KIRREL3: variants seen among roughly 807,000 people sequenced by gnomAD.
KIRREL3 encodes kin of IRRE-like protein 3.
KIRREL3 carries 36 observed loss-of-function variants against 89.7 expected under a neutral mutation model. That is an observed-to-expected ratio of 0.40 (90% CI 0.31 to 0.53). The LOEUF is 0.53. KIRREL3 is among the 20% of genes least tolerant of loss of function. The pLI is 0.49. For synonymous variants in KIRREL3, 445 were observed against 441.4 expected (o/e 1.01, Z -0.10); for missense variants, 864 against 1,056.6 (o/e 0.82, Z 2.53).
At position 126,897,102 on chromosome 11, in the gene KIRREL3, A is replaced by C. The variant is rs978128902; in HGVS notation, c.55+103353T>G. 5.3e-5 allele frequency among the ~76,000 whole-genome samples: 8 copies of C among 152,018 alleles called. No individual in the cohort carries two copies. The highest frequency in any genetic ancestry group is 1.2e-4 in the Non-Finnish European group (8 of 67,992). On this transcript the variant is annotated intron_variant, in intron 1 of 16. Transcript: ENST00000525144. The surrounding 1 kb of genome is among the most constrained non-coding windows in gnomAD (Gnocchi z 4.2). Reference sequence around the variant, plus strand: ...TTATTAAAATACGAAAGATCATCTCACGAATACGGGCTACAAACAACTCCA... The same window carrying C: ...TTATTAAAATACGAAAGATCATCTCCCGAATACGGGCTACAAACAACTCCA...
chr11:126,452,040 C>T (rs1391757199), intron 7 of KIRREL3, among the ~76,000 whole-genome samples: 1 of 152,154 alleles, frequency 6.6e-6, no homozygotes, highest in Non-Finnish European at 1.5e-5. Flanking sequence ...GCCCTTCCCT[C>T]CATTAGCTTC....
rs1941129987 is a variant in KIRREL3 at position 126,574,211 on chromosome 11, G to C, written c.56-11299C>G. On this transcript the variant is annotated intron_variant, in intron 1 of 16. Transcript: ENST00000525144. This position sits in a 1 kb window ranked among gnomAD's most constrained non-coding sequence, Gnocchi z 5.3. ...CATTTATGGAGGACACTGAGGATGA[G>C]AGAGGTTCCACAACCTCCCTTGCTC... Among the ~76,000 whole-genome samples the C allele has an allele frequency of 6.6e-6, 1 of 152,174 alleles. No homozygotes were observed. The highest frequency in any genetic ancestry group is 1.5e-5 in the Non-Finnish European group (1 of 68,042).
Position 126,579,886 on chromosome 11 carries a change from C to A in KIRREL3, c.56-16974G>T, listed in dbSNP as rs1431348355. Among the ~76,000 whole-genome samples, 1 of 151,282 alleles carries A rather than the reference C, an allele frequency of 6.6e-6. No individual in the cohort carries two copies. The highest frequency in any genetic ancestry group is 2.4e-5 in the African/African-American group (1 of 41,074). On this transcript the variant is annotated intron_variant, in intron 1 of 16. Transcript: ENST00000525144. The surrounding 1 kb of genome is among the most constrained non-coding windows in gnomAD (Gnocchi z 5.3). ...TTTGAGGCAGAGTCTTGCTCTGTCA[C>A]CCAGGCTGGAGTGCAGTGGCACAAT...
intron 6 of KIRREL3, among the ~76,000 whole-genome samples, chr11:126,456,778 GA>G (rs1338264248): frequency 2.0e-5 from 3 of 152,224 alleles, no homozygotes; most frequent in African/African-American, 7.2e-5. Flanking sequence ...GAGGTGGGAA[GA>G]GGGGTGCAGG....
At position 126,710,358 on chromosome 11, in the gene KIRREL3, A is replaced by G. The variant is rs3862634; in HGVS notation, c.56-147446T>C. Among the ~76,000 whole-genome samples, 134,343 of 152,172 alleles carry G rather than the reference A, an allele frequency of 0.88. 59,496 individuals carry two copies. The highest frequency in any genetic ancestry group is 1 in the East Asian group (5,165 of 5,172). On this transcript the variant is annotated intron_variant, in intron 1 of 16. Coordinates refer to ENST00000525144, the MANE Select transcript of KIRREL3 (RefSeq NM_032531.4). The surrounding 1 kb of genome is among the most constrained non-coding windows in gnomAD (Gnocchi z 4.2). ...CTCAGTGTGGCACCCCATTCTTCCC[A>G]TTGAGCCCTCTCCTCTTCCTGTTGA...
Position 126,876,457 on chromosome 11 carries a change from C to A in KIRREL3, c.55+123998G>T, listed in dbSNP as rs1360644058. On this transcript the variant is annotated intron_variant, in intron 1 of 16. Transcript: ENST00000525144. The surrounding 1 kb of genome is among the most constrained non-coding windows in gnomAD (Gnocchi z 4.1). ...AAGCCACATAGCTGGCAAGTGGGGA[C>A]ACACTGTGCTATCCCTGCTCACTGT... Among the ~76,000 whole-genome samples the A allele has an allele frequency of 6.6e-6, 1 of 152,042 alleles. No individual in the cohort carries two copies. The highest frequency in any genetic ancestry group is 2.4e-5 in the African/African-American group (1 of 41,382).
rs1956626860 is a variant in KIRREL3 at position 126,463,739 on chromosome 11, G to A, written c.592-432C>T. ...AACCAGCAGGGACTGTGGCCCCTGA[G>A]CGGGGACAGTCTGCAGAGGAGGCAC... On this transcript the variant is annotated intron_variant, in intron 5 of 16. Transcript: ENST00000525144. This position sits in a 1 kb window ranked among gnomAD's most constrained non-coding sequence, Gnocchi z 5.9. 6.6e-6 allele frequency among the ~76,000 whole-genome samples: 1 copy of A among 152,192 alleles called. No homozygotes were observed. Among genetic ancestry groups the A allele is most frequent in the East Asian group, 1.9e-4 (1 of 5,184 alleles).
chr11:126,730,658 C>T (rs929172598), intron 1 of KIRREL3, among the ~76,000 whole-genome samples: 2 of 152,204 alleles, frequency 1.3e-5, no homozygotes, highest in Admixed American at 1.3e-4. Context: ...ATGCACCAGG[C>T]GGCCCCTGCA....
At chr11:126,597,580 A>G (rs1942457693) in intron 1 of KIRREL3, among the ~76,000 whole-genome samples, 1 of 152,210 alleles carries the variant, frequency 6.6e-6, no homozygotes, top group South Asian at 2.1e-4. Flanking sequence ...TTTTGCCGTC[A>G]GCTTCACAGT....
rs1053534512 is a variant in KIRREL3, at chr11:126,584,448, C to T, written c.56-21536G>A. The stretch of plus-strand genomic sequence containing the variant: ...ACTCTCCTGGACTCTAGGATGGGCC[C>T]CTTTCTTCCCCATACAAAGCCCCCA... On this transcript the variant is annotated intron_variant, in intron 1 of 16. Transcript: ENST00000525144. 2.6e-5 allele frequency among the ~76,000 whole-genome samples: 4 copies of T among 152,178 alleles called. No homozygotes were observed. In the South Asian group the frequency reaches 8.3e-4, roughly 32 times the overall value.
chr11:126,521,292 C>A lies in KIRREL3; in HGVS notation c.433+23G>T. ...CTTGGTGCTTCACGCAGTGTCCCAG[C>A]CCCGTGTGCAGATGGTTCTTACCCA... is the stretch of plus-strand genomic sequence containing the variant. On this transcript the variant is annotated intron_variant, in intron 4 of 16. Coordinates refer to ENST00000525144, the MANE Select transcript of KIRREL3 (RefSeq NM_032531.4). The surrounding 1 kb of genome is among the most constrained non-coding windows in gnomAD (Gnocchi z 4.1). The A allele has an allele frequency of 6.6e-7, 1 of 1,518,918 alleles. No individual in the cohort carries two copies. The highest frequency in any genetic ancestry group is 8.9e-7 in the Non-Finnish European group (1 of 1,127,056). The allele number at this position is 1,518,918 out of a possible 1,614,324, so 94.1% of individuals were successfully genotyped here. A position where few individuals can be genotyped will look rare whatever the true frequency, so the allele number is the denominator to read the frequency against.
Position 126,883,750 on chromosome 11 carries a change from G to A in KIRREL3, c.55+116705C>T, listed in dbSNP as rs143011291. Among the ~76,000 whole-genome samples, 6 of 152,174 alleles carry A rather than the reference G, an allele frequency of 3.9e-5. No individual in the cohort carries two copies. Among genetic ancestry groups the A allele is most frequent in the African/African-American group, 1.4e-4 (6 of 41,516 alleles). On this transcript the variant is annotated intron_variant, in intron 1 of 16. Transcript: ENST00000525144. The surrounding 1 kb of genome is among the most constrained non-coding windows in gnomAD (Gnocchi z 4.1). The stretch of plus-strand genomic sequence containing the variant: ...AACTTATGTTTGGAACTCTTACACA[G>A]GCTGGATTTTCTAAAAGCTACTAAA...
At chr11:126,679,464 C>G (rs1162412025) in intron 1 of KIRREL3, among the ~76,000 whole-genome samples, 1 of 152,176 alleles carries the variant, frequency 6.6e-6, no homozygotes, top group Non-Finnish European at 1.5e-5. Context: ...TTTAAGGGAG[C>G]TACTATGACC....
chr11:126,531,221 T>A lies in KIRREL3; in HGVS notation c.134-4534A>T, dbSNP rs544104666. ...CCCCTTTCCTCTCTATTCCCACTGC[T>A]AGCACCCAAGTTCAAGCTCTCGTTG... On this transcript the variant is annotated intron_variant, in intron 2 of 16. Coordinates refer to ENST00000525144, the MANE Select transcript of KIRREL3 (RefSeq NM_032531.4). This position sits in a 1 kb window ranked among gnomAD's most constrained non-coding sequence, Gnocchi z 4.7. Among the ~76,000 whole-genome samples, 7 of 152,270 alleles carry A rather than the reference T, an allele frequency of 4.6e-5. No individual in the cohort carries two copies. The South Asian group carries it at 1.2e-3, about 27-fold the overall frequency.
At position 126,639,864 on chromosome 11, in the gene KIRREL3, C is replaced by T. The variant is rs1288489011; in HGVS notation, c.56-76952G>A. 5.3e-5 allele frequency among the ~76,000 whole-genome samples: 8 copies of T among 152,160 alleles called. No individual in the cohort carries two copies. Among genetic ancestry groups the T allele is most frequent in the Non-Finnish European group, 8.8e-5 (6 of 68,030 alleles). On this transcript the variant is annotated intron_variant, in intron 1 of 16. Coordinates refer to ENST00000525144, the MANE Select transcript of KIRREL3 (RefSeq NM_032531.4). This position sits in a 1 kb window ranked among gnomAD's most constrained non-coding sequence, Gnocchi z 4.3. ...GATCTGAGAAGGCTTAGTTTGATTACGCTTCATGGCCATCCAATCCAATCT... is the reference window on the plus strand; with the variant it reads ...GATCTGAGAAGGCTTAGTTTGATTATGCTTCATGGCCATCCAATCCAATCT...
intron 5 of KIRREL3, among the ~76,000 whole-genome samples, chr11:126,464,520 G>A (rs375284258): frequency 1.7e-4 from 25 of 149,852 alleles, no homozygotes; most frequent in African/African-American, 5.9e-4. Flanking sequence ...CACAGAGTGA[G>A]ACCCTGCCTC....
chr11:126,999,302 A>G lies in KIRREL3; in HGVS notation c.55+1153T>C, dbSNP rs1950256835. Reference sequence around the variant, plus strand: ...GATAAGGAGAAAGTCTGCAGTGACCACAAGCACGGGTGGAAGAGCAGAAGA... The same window carrying G: ...GATAAGGAGAAAGTCTGCAGTGACCGCAAGCACGGGTGGAAGAGCAGAAGA... On this transcript the variant is annotated intron_variant, in intron 1 of 16. Transcript: ENST00000525144. This position sits in a 1 kb window ranked among gnomAD's most constrained non-coding sequence, Gnocchi z 5.7. 6.6e-6 allele frequency among the ~76,000 whole-genome samples: 1 copy of G among 152,204 alleles called. No individual in the cohort carries two copies. The highest frequency in any genetic ancestry group is 6.5e-5 in the Admixed American group (1 of 15,288).
intron 5 of KIRREL3, among the ~76,000 whole-genome samples, chr11:126,469,783 GGACACAT>G (rs1340590968): frequency 6.6e-6 from 1 of 152,228 alleles, no homozygotes; most frequent in Non-Finnish European, 1.5e-5. Context: ...TCATGTCCAG[GGACACAT>G]TGAGGGTCTC....
rs142181289 is a variant in KIRREL3, at chr11:126,655,639, C to T, written c.56-92727G>A. 5.2e-4 allele frequency among the ~76,000 whole-genome samples: 79 copies of T among 152,272 alleles called. No individual in the cohort carries two copies. Among genetic ancestry groups the T allele is most frequent in the Middle Eastern group, 3.4e-3 (1 of 294 alleles). ...AGTTTTCACAACGCAGTTGTCATCT[C>T]GGGAGCAGTGTGTGCCCGTCCACCC... On this transcript the variant is annotated intron_variant, in intron 1 of 16. Coordinates refer to ENST00000525144, the MANE Select transcript of KIRREL3 (RefSeq NM_032531.4). The surrounding 1 kb of genome is among the most constrained non-coding windows in gnomAD (Gnocchi z 5.0).
Sources: allele counts gnomAD v4.1 joint callset (sites outside exome capture counted in the v4.1 genomes callset), GRCh38; gene constraint gnomAD v4.1.1; non-coding constraint Gnocchi (gnomAD v3.1); transcripts MANE v1.5; gene names NCBI Gene and HGNC (gene_info 2026-07-23, HGNC 2026-07-21).